TLE4: variants seen among roughly 807,000 people sequenced by gnomAD.
The protein encoded by TLE4 is TLE family member 4, transcriptional corepressor.
In TLE4, 8 loss-of-function variants were observed where a neutral mutation model predicts 92.8. The ratio of observed to expected loss-of-function variants is 0.09; its 90% confidence interval spans 0.05 to 0.16. The LOEUF (loss-of-function observed/expected upper bound fraction) is 0.16, where lower values mean the gene tolerates loss of function less well. Among genes scored for constraint, TLE4 ranks in the 10% least tolerant of loss-of-function variants. The probability of loss-of-function intolerance (pLI) is 1.00; values close to 1 mark genes in which losing one functional copy is unlikely to be tolerated. For missense variants in TLE4, 675 were observed against 997.6 expected (o/e 0.68, Z 4.36); for synonymous variants, 371 against 374.1 (o/e 0.99, Z 0.10).
In TLE4 at chr9:79,726,190, C is replaced by CT. The variant is rs1176789339; in HGVS notation, c.*1048dup. The CT allele has an allele frequency of 2.6e-5, 4 of 152,776 alleles. No individual in the cohort carries two copies. The highest frequency in any genetic ancestry group is 9.6e-5 in the African/African-American group (4 of 41,592). 9.5% of individuals were successfully genotyped at this position (152,776 alleles called of 1,614,324 possible). On this transcript the variant is annotated 3_prime_UTR_variant, in exon 20 of 20. Transcript: ENST00000376552. ...AATGGACTCTCTCCTGGGATGAGGA[C>CT]TTGCTTTCTTTACCTCCGGTTCTTT... is the stretch of plus-strand genomic sequence containing the variant.
Position 79,664,804 on chromosome 9 carries a change from A to G in TLE4, c.609+10729A>G, listed in dbSNP as rs541671399. Among the ~76,000 whole-genome samples, 3 of 152,268 alleles carry G rather than the reference A, an allele frequency of 2.0e-5. No homozygotes were observed. In the South Asian group the frequency reaches 6.2e-4, roughly 32 times the overall value. ...GTGTTCAGTTCCTCCTGTCAATACC[A>G]GATGTTCACTTGTAAACTGTTTTGC... On this transcript the variant is annotated intron_variant, in intron 8 of 19. Coordinates refer to ENST00000376552, the MANE Select transcript of TLE4 (RefSeq NM_007005.6).
chr9:79,614,998 A>G (rs1029478132), intron 5 of TLE4, among the ~76,000 whole-genome samples: 1 of 152,048 alleles, frequency 6.6e-6, no homozygotes, highest in African/African-American at 2.4e-5. Context: ...TAATTTACTC[A>G]TCTTTTTCTA....
intron 1 of TLE4, 89 bp from the exon 2 acceptor site, chr9:79,573,600 C>G: frequency 9.0e-7 from 1 of 1,107,304 alleles, no homozygotes; most frequent in Non-Finnish European, 1.3e-6. Context: ...TGACCCTCAC[C>G]CCCCGCTAAC....
intron 8 of TLE4, among the ~76,000 whole-genome samples, chr9:79,655,149 A>ATACG (rs889167741): frequency 8.1e-5 from 12 of 147,830 alleles, no homozygotes; most frequent in African/African-American, 3.2e-4. Context: ...TCAAAAATAC[A>ATACG]TACATACATA....
intron 6 of TLE4, among the ~76,000 whole-genome samples, chr9:79,640,759 A>G (rs1469876379): frequency 6.6e-6 from 1 of 152,090 alleles, no homozygotes; most frequent in African/African-American, 2.4e-5. Flanking sequence ...TGCATTACCT[A>G]CTAGCCGGTC....
At chr9:79,671,291 A>AT in intron 8 of TLE4, 2 of 456,094 alleles carry the variant, frequency 4.4e-6, no homozygotes, top group Non-Finnish European at 8.8e-6. Flanking sequence ...CTAAATCCTG[A>AT]TTTTAAAAGA....
intron 6 of TLE4, among the ~76,000 whole-genome samples, chr9:79,629,889 G>A (rs2053724837): frequency 1.3e-5 from 2 of 152,274 alleles, no homozygotes; most frequent in South Asian, 4.1e-4. Context: ...TATTTTAAAG[G>A]CACTTGCTGT....
intron 3 of TLE4, among the ~76,000 whole-genome samples, chr9:79,575,329 A>T (rs773048988): frequency 6.6e-6 from 1 of 152,190 alleles, no homozygotes; most frequent in Non-Finnish European, 1.5e-5. Context: ...AACATTGTAA[A>T]TGTCTTATTA....
intron 8 of TLE4, among the ~76,000 whole-genome samples, chr9:79,685,285 G>A (rs772813029): frequency 3.3e-5 from 5 of 151,948 alleles, no homozygotes; most frequent in Admixed American, 6.6e-5. Context: ...AAACATGCCC[G>A]TTGTTCTTTA....
intron 8 of TLE4, among the ~76,000 whole-genome samples, chr9:79,700,396 A>G (rs973890289): frequency 6.6e-6 from 1 of 152,022 alleles, no homozygotes; most frequent in Non-Finnish European, 1.5e-5. Context: ...ATACATTGTC[A>G]TCTTTGATCT....
intron 7 of TLE4, 191 bp downstream of exon 7, chr9:79,652,985 A>T (rs184843595): frequency 7.3e-5 from 54 of 740,990 alleles, no homozygotes; most frequent in Non-Finnish European, 1.1e-4. Flanking sequence ...GCAAGAGCTA[A>T]CATACTCCCT....
intron 4 of TLE4, among the ~76,000 whole-genome samples, chr9:79,585,997 T>C (rs57378589): frequency 0.028 from 4,261 of 152,326 alleles, 93 homozygotes; most frequent in African/African-American, 0.058. Flanking sequence ...TCATAAAACA[T>C]GTAATATAAA....
chr9:79,708,044 T>G, intron 11 of TLE4, 74 bp from the exon 12 acceptor site: 1 of 1,472,454 alleles, frequency 6.8e-7, no homozygotes, highest in Non-Finnish European at 9.3e-7. Context: ...TTCCTTTTCT[T>G]TACCTTTTTA....
chr9:79,683,287 A>G (rs1419606899), intron 8 of TLE4, among the ~76,000 whole-genome samples: 1 of 152,188 alleles, frequency 6.6e-6, no homozygotes, highest in Non-Finnish European at 1.5e-5. Context: ...TTCAGGGCTC[A>G]TAGTTACTTT....
chr9:79,654,196 T>C, intron 8 of TLE4, 121 bp downstream of exon 8: 2 of 1,004,914 alleles, frequency 2.0e-6, no homozygotes, highest in African/African-American at 1.7e-5. Context: ...AGTGGTTAAC[T>C]GCATTTTTAA....
intron 4 of TLE4, among the ~76,000 whole-genome samples, chr9:79,583,900 A>G (rs1275540997): frequency 6.6e-6 from 1 of 152,136 alleles, no homozygotes; most frequent in Non-Finnish European, 1.5e-5. Context: ...TATTTATTTA[A>G]ATAGCTTCTG....
intron 12 of TLE4, 148 bp downstream of exon 12, chr9:79,708,398 A>C (rs1410954415): frequency 8.7e-7 from 1 of 1,155,638 alleles, no homozygotes; most frequent in Non-Finnish European, 1.2e-6. Context: ...AGCACCTGGG[A>C]CCAACCTTGT....
chr9:79,704,712 A>G lies in TLE4; in HGVS notation c.610-71A>G, dbSNP rs544471399. On this transcript the variant is annotated intron_variant, in intron 8 of 19. Transcript: ENST00000376552. ...AGAATAAAAAGAAAAGAAAGTCTCA[A>G]GTGACTTAAAAATCACTCGGCTAAA... 7.7e-6 allele frequency: 12 copies of G among 1,558,836 alleles called. No individual in the cohort carries two copies. In the East Asian group the frequency reaches 2.7e-4, roughly 35 times the overall value.
At chr9:79,703,934 C>CT (rs538883847) in intron 8 of TLE4, among the ~76,000 whole-genome samples, 287 of 151,206 alleles carry the variant, frequency 1.9e-3, no homozygotes, top group Non-Finnish European at 3.4e-3. Context: ...ACTTTCCCCC[C>CT]TTTTTTTTTC....
Sources: allele counts gnomAD v4.1 joint callset (sites outside exome capture counted in the v4.1 genomes callset), GRCh38; gene constraint gnomAD v4.1.1; transcripts MANE v1.5; gene names NCBI Gene and HGNC (gene_info 2026-07-23, HGNC 2026-07-21).